ST6GALNAC4: variants seen among roughly 807,000 people sequenced by gnomAD.
ST6GALNAC4 encodes alpha-N-acetyl-neuraminyl-2,3-beta-galactosyl-1,3-N-acetyl-galactosaminide alpha-2,6-sialyltransferase.
Under a neutral mutation model 30.4 loss-of-function variants are expected in ST6GALNAC4, and 24 were observed. The observed-to-expected ratio is 0.79, with a 90% confidence interval of 0.57 to 1.11. The LOEUF (loss-of-function observed/expected upper bound fraction) is 1.11, where lower values mean the gene tolerates loss of function less well. Among genes scored for constraint, ST6GALNAC4 ranks in the 50% most tolerant of loss-of-function variants. The probability of loss-of-function intolerance (pLI) is 0.00; values close to 1 mark genes in which losing one functional copy is unlikely to be tolerated. For missense variants in ST6GALNAC4, 365 were observed against 430.1 expected (o/e 0.85, Z 1.34); for synonymous variants, 156 against 179.7 (o/e 0.87, Z 1.05).
intron 2 of ST6GALNAC4, 51 bp downstream of exon 2, chr9:127,916,357 C>A: frequency 6.2e-7 from 1 of 1,613,644 alleles, no homozygotes; most frequent in Non-Finnish European, 8.5e-7. Context: ...TGAGCTGCTC[C>A]GCCAGTCGGG....
At chr9:127,915,002 G>A in intron 2 of ST6GALNAC4, 161 bp from the exon 3 acceptor site, 1 of 561,436 alleles carries the variant, frequency 1.8e-6, no homozygotes, top group Non-Finnish European at 2.9e-6. Context: ...GCCTTACCTG[G>A]GGATGCCAAG....
intron 4 of ST6GALNAC4, among the ~76,000 whole-genome samples, chr9:127,910,870 G>C (rs1439581606): frequency 6.6e-6 from 1 of 152,202 alleles, no homozygotes; most frequent in Non-Finnish European, 1.5e-5. Context: ...AAATCTCTAA[G>C]CAAGATGATG....
chr9:127,913,498 T>A (rs1321149500), intron 3 of ST6GALNAC4, among the ~76,000 whole-genome samples: 1 of 152,032 alleles, frequency 6.6e-6, no homozygotes, highest in Non-Finnish European at 1.5e-5. Context: ...GGCAGAAGAA[T>A]CCCTTGAACC....
intron 3 of ST6GALNAC4, 25 bp from the exon 4 acceptor site, chr9:127,912,705 G>A: frequency 6.5e-7 from 1 of 1,534,426 alleles, no homozygotes; most frequent in Non-Finnish European, 8.7e-7. Flanking sequence ...GGGAGAAAGA[G>A]ACAGAGAGGC....
rs752120234 is a variant in ST6GALNAC4 at position 127,908,458 on chromosome 9, C to T, written c.843G>A (p.Ala281=). The T allele has an allele frequency of 1.5e-5, 24 of 1,606,064 alleles. No individual in the cohort carries two copies. Among genetic ancestry groups the T allele is most frequent in the Admixed American group, 1.3e-4 (8 of 59,730 alleles). The change falls in exon 6 of 6, where the codon GCG becomes GCA. Residue 281 remains alanine, a synonymous_variant. Coordinates refer to ENST00000335791, the MANE Select transcript of ST6GALNAC4 (RefSeq NM_175039.4). ...TCTTCTTGGCCCAGCGGGAGAAGAC[C>T]GCCTTCTCAGTGATGAAGCGGTGGG... ...RSAHRFITEK[A]VFSRWAKKRP...
At chr9:127,914,916 CCTCCTGGGTCTAGAGAAG>C (rs1831163208) in intron 2 of ST6GALNAC4, 75 bp from the exon 3 acceptor site, 5 of 1,337,724 alleles carry the variant, frequency 3.7e-6, no homozygotes, top group Non-Finnish European at 4.9e-6. Context: ...CTGCACCTGG[CCTCCTGGGTCTAGAGAAG>C]CTCCTGGGTC....
In ST6GALNAC4 at chr9:127,914,650, A is replaced by T. The variant is rs751450482; in HGVS notation, c.198+6T>A. On this transcript the variant is annotated splice_donor_region_variant and intron_variant, in intron 3 of 5. Coordinates refer to ENST00000335791, the MANE Select transcript of ST6GALNAC4 (RefSeq NM_175039.4). ...CCACCCCGGATGCATTGCCTGGCCC[A>T]CTCACCTTCCCATCTGGCACACTGC... 16 of 1,604,064 alleles carry T rather than the reference A, an allele frequency of 1.0e-5. No individual in the cohort carries two copies. The East Asian group carries it at 3.4e-4, about 34-fold the overall frequency.
At chr9:127,912,160 G>C (rs866514321) in intron 4 of ST6GALNAC4, 108 bp downstream of exon 4, 1 of 1,410,350 alleles carries the variant, frequency 7.1e-7, no homozygotes, top group Non-Finnish European at 9.5e-7. Context: ...GCCTCCATGA[G>C]TGCTGACCTC....
chr9:127,914,867 G>A (rs777836398), intron 2 of ST6GALNAC4, 26 bp from the exon 3 acceptor site: 1 of 1,441,798 alleles, frequency 6.9e-7, no homozygotes, highest in South Asian at 1.5e-5. Flanking sequence ...GCCATGGGGG[G>A]GTGTATGTGG....
chr9:127,915,762 G>C (rs1465103170), intron 2 of ST6GALNAC4, among the ~76,000 whole-genome samples: 1 of 152,164 alleles, frequency 6.6e-6, no homozygotes, highest in African/African-American at 2.4e-5. Flanking sequence ...TGGGCTCCAG[G>C]TTTCTAGACT....
intron 3 of ST6GALNAC4, among the ~76,000 whole-genome samples, chr9:127,913,160 G>A (rs1026120794): frequency 1.3e-5 from 2 of 152,222 alleles, no homozygotes; most frequent in Non-Finnish European, 2.9e-5. Flanking sequence ...GGTCATCAGC[G>A]CCCAGGACAG....
chr9:127,912,248 C>A lies in ST6GALNAC4; in HGVS notation c.611+20G>T. 2 of 1,588,272 alleles carry A rather than the reference C, an allele frequency of 1.3e-6. 1 individual carries two copies. The highest frequency in any genetic ancestry group is 2.3e-5 in the South Asian group (2 of 87,948). ...GCCCCAGCTGCCAGAGAGACCCCAG[C>A]AGGCAGGCCCCAGGCTCACCGGTTC... On this transcript the variant is annotated intron_variant, in intron 4 of 5. Transcript: ENST00000335791.
intron 3 of ST6GALNAC4, among the ~76,000 whole-genome samples, chr9:127,914,116 C>T (rs1295866193): frequency 2.0e-5 from 3 of 151,482 alleles, no homozygotes; most frequent in Non-Finnish European, 2.9e-5. Flanking sequence ...ATTTCTTGGG[C>T]GGGCGTGGTG....
At chr9:127,910,083 G>A in intron 4 of ST6GALNAC4, 25 bp from the exon 5 acceptor site, 1 of 1,610,430 alleles carries the variant, frequency 6.2e-7, no homozygotes. Context: ...GGGACAGGGG[G>A]ACGCTGTCAA....
intron 3 of ST6GALNAC4, among the ~76,000 whole-genome samples, chr9:127,913,420 A>C (rs985658944): frequency 2.6e-5 from 4 of 151,488 alleles, no homozygotes; most frequent in African/African-American, 9.7e-5. Flanking sequence ...CCCCATCTCT[A>C]CTAAAAACAC....
Position 127,910,645 on chromosome 9 carries a change from C to T in ST6GALNAC4, c.612-587G>A, listed in dbSNP as rs186379937. The T allele has an allele frequency of 5.6e-5, 55 of 986,036 alleles. No homozygotes were observed. In the African/African-American group the frequency reaches 9.2e-4, roughly 17 times the overall value. 61.1% of individuals were successfully genotyped at this position (986,036 alleles called of 1,614,324 possible). On this transcript the variant is annotated intron_variant, in intron 4 of 5. Transcript: ENST00000335791. Reference sequence around the variant, plus strand: ...AGGGGCTAGGTGGTGGCCCCAGCCTCAGCTCCCTGGAGGCAGCAGCCCTGG... The same window carrying T: ...AGGGGCTAGGTGGTGGCCCCAGCCTTAGCTCCCTGGAGGCAGCAGCCCTGG...
At chr9:127,910,566 G>A (rs1394855635) in intron 4 of ST6GALNAC4, 3 of 990,092 alleles carry the variant, frequency 3.0e-6, no homozygotes, top group African/African-American at 1.7e-5. Flanking sequence ...TTATAGGGAG[G>A]GAACACTGTC....
Position 127,910,675 on chromosome 9 carries a change from T to C in ST6GALNAC4, c.612-617A>G, listed in dbSNP as rs533584023. On this transcript the variant is annotated intron_variant, in intron 4 of 5. Coordinates refer to ENST00000335791, the MANE Select transcript of ST6GALNAC4 (RefSeq NM_175039.4). ...CCCTGGAGGCAGCAGCCCTGGGTAC[T>C]CTTGCAGCCAAGGGCCACCCCTCTC... The C allele has an allele frequency of 5.3e-5, 50 of 935,476 alleles. No homozygotes were observed. In the African/African-American group the frequency reaches 8.5e-4, roughly 16 times the overall value. The allele number at this position is 935,476 out of a possible 1,614,324, so 57.9% of individuals were successfully genotyped here. A position where few individuals can be genotyped will look rare whatever the true frequency, so the allele number is the denominator to read the frequency against.
chr9:127,908,961 C>T, intron 5 of ST6GALNAC4, among the ~76,000 whole-genome samples: 1 of 152,172 alleles, frequency 6.6e-6, no homozygotes, highest in East Asian at 1.9e-4. Context: ...GTCACAGAGC[C>T]ACCAGCCCTG....
Sources: gnomAD v4.1 joint callset for allele counts (sites outside exome capture counted in the v4.1 genomes callset) on GRCh38, gnomAD v4.1.1 for gene constraint, MANE v1.5 for transcripts, NCBI Gene and HGNC (gene_info 2026-07-23, HGNC 2026-07-21) for gene names.